The following KDM4C variants were observed in gnomAD, a reference collection of about 807,000 sequenced individuals.
The protein encoded by KDM4C is lysine-specific demethylase 4C.
Under a neutral mutation model 129.3 loss-of-function variants are expected in KDM4C, and 81 were observed. That is an observed-to-expected ratio of 0.63 (90% CI 0.52 to 0.75). The LOEUF is 0.75. Among genes scored for constraint, KDM4C ranks in the 30% least tolerant of loss-of-function variants. The probability of loss-of-function intolerance (pLI) is 0.00; values close to 1 mark genes in which losing one functional copy is unlikely to be tolerated. For synonymous variants in KDM4C, 573 were observed against 456.1 expected, an observed-to-expected ratio of 1.26 and a Z score of -3.26; for missense variants, 1,457 against 1,304.0, an observed-to-expected ratio of 1.12 and a Z score of -1.81.
At chr9:6,866,017 T>G (rs1841903323) in intron 5 of KDM4C, among the ~76,000 whole-genome samples, 1 of 152,070 alleles carries the variant, frequency 6.6e-6, no homozygotes, top group African/African-American at 2.4e-5. Flanking sequence ...CCTCCCAGAG[T>G]GCTGGGATTC....
intron 17 of KDM4C, among the ~76,000 whole-genome samples, chr9:7,051,813 C>G (rs1328583151): frequency 6.6e-6 from 1 of 152,158 alleles, no homozygotes; most frequent in Non-Finnish European, 1.5e-5. Flanking sequence ...ACAATTATCA[C>G]TTGTCTTGCC....
chr9:7,154,250 A>G (rs564030668), intron 19 of KDM4C, among the ~76,000 whole-genome samples: 12 of 152,362 alleles, frequency 7.9e-5, no homozygotes, highest in African/African-American at 2.9e-4. Flanking sequence ...GCCAGGGTCC[A>G]GTAATGAGCA....
chr9:6,904,290 A>T lies in KDM4C; in HGVS notation c.921+11058A>T, dbSNP rs375068769. On this transcript the variant is annotated intron_variant, in intron 8 of 21. Transcript: ENST00000381309. ...TATGTCTATCTATATATTTATACCT[A>T]TATCTATATATGTCTTTCATTTACA... 3.3e-5 allele frequency among the ~76,000 whole-genome samples: 5 copies of T among 152,234 alleles called. No individual in the cohort carries two copies. In the East Asian group the frequency reaches 9.6e-4, roughly 29 times the overall value.
At chr9:7,164,716 G>T (rs1844191013) in intron 19 of KDM4C, among the ~76,000 whole-genome samples, 1 of 152,106 alleles carries the variant, frequency 6.6e-6, no homozygotes, top group Admixed American at 6.6e-5. Flanking sequence ...GTGTCTTTTA[G>T]TCTCCCATAG....
intron 9 of KDM4C, among the ~76,000 whole-genome samples, chr9:6,981,630 A>G (rs781542057): frequency 1.3e-5 from 2 of 152,164 alleles, no homozygotes; most frequent in Non-Finnish European, 2.9e-5. Context: ...TAACATGCTT[A>G]TCCTTGTGAA....
chr9:7,103,580 GTTTT>G, intron 17 of KDM4C, 101 bp from the exon 18 acceptor site: 15 of 624,836 alleles, frequency 2.4e-5, no homozygotes, highest in Admixed American at 6.2e-5. Flanking sequence ...GTAATCAGTT[GTTTT>G]TTTTTTTTTT....
chr9:7,093,129 G>T (rs769874738), intron 17 of KDM4C, among the ~76,000 whole-genome samples: 4 of 152,104 alleles, frequency 2.6e-5, no homozygotes, highest in Admixed American at 6.5e-5. Flanking sequence ...TGTAGATGGG[G>T]TGGTGTTACT....
chr9:7,016,184 G>A (rs550016115), intron 15 of KDM4C, among the ~76,000 whole-genome samples: 2 of 151,230 alleles, frequency 1.3e-5, no homozygotes, highest in Admixed American at 6.6e-5. Context: ...CTAGAGTGCA[G>A]TGGCAAGATC....
intron 8 of KDM4C, chr9:6,978,999 T>G (rs1816278186): frequency 6.6e-6 from 1 of 152,160 alleles, no homozygotes; most frequent in East Asian, 1.9e-4. Context: ...CCTCACCAGC[T>G]TATCTGCCCT....
chr9:6,828,543 A>T (rs192426598), intron 4 of KDM4C, among the ~76,000 whole-genome samples: 12 of 151,680 alleles, frequency 7.9e-5, no homozygotes, highest in African/African-American at 2.4e-4. Context: ...GTTCACGTAG[A>T]GACCGTCTGA....
chr9:7,038,211 A>G (rs1291778387), intron 15 of KDM4C, among the ~76,000 whole-genome samples: 3 of 152,116 alleles, frequency 2.0e-5, no homozygotes, highest in African/African-American at 7.2e-5. Flanking sequence ...TAATTTCTTT[A>G]TGTGTGTGTC....
intron 1 of KDM4C, among the ~76,000 whole-genome samples, chr9:6,721,528 C>T (rs1230460276): frequency 6.6e-6 from 1 of 151,436 alleles, no homozygotes; most frequent in Non-Finnish European, 1.5e-5. Flanking sequence ...AAGCGACCTA[C>T]CCGTCTCGGC....
chr9:6,789,284 G>C (rs1826080105), intron 1 of KDM4C, among the ~76,000 whole-genome samples: 1 of 146,410 alleles, frequency 6.8e-6, no homozygotes, highest in South Asian at 2.2e-4. Context: ...GCAATGGCGT[G>C]ATCTCAGCTC....
At chr9:7,099,109 G>A (rs1021600126) in intron 17 of KDM4C, among the ~76,000 whole-genome samples, 1 of 152,098 alleles carries the variant, frequency 6.6e-6, no homozygotes, top group African/African-American at 2.4e-5. Context: ...ATTAGCTAAT[G>A]TATCATTATC....
At chr9:7,040,381 G>GTGTGTGTC (rs1554712824) in intron 15 of KDM4C, among the ~76,000 whole-genome samples, 142 of 140,680 alleles carry the variant, frequency 1.0e-3, no homozygotes, top group Admixed American at 1.1e-3. Flanking sequence ...GTGTGTGTGT[G>GTGTGTGTC]TGTGTGTGTG....
chr9:6,958,396 C>A (rs574105615), intron 8 of KDM4C, among the ~76,000 whole-genome samples: 1 of 152,084 alleles, frequency 6.6e-6, no homozygotes, highest in Admixed American at 6.6e-5. Flanking sequence ...ACCAGCCTGA[C>A]CAACATGGTG....
At chr9:6,945,647 A>G (rs994894574) in intron 8 of KDM4C, among the ~76,000 whole-genome samples, 3 of 152,200 alleles carry the variant, frequency 2.0e-5, no homozygotes, top group African/African-American at 7.2e-5. Flanking sequence ...ATTTGTGTGA[A>G]TTTAACTATA....
rs555289419 is a variant in KDM4C at position 7,004,971 on chromosome 9, G to A, written c.1787-6727G>A. 1.4e-4 allele frequency among the ~76,000 whole-genome samples: 21 copies of A among 152,208 alleles called. No individual in the cohort carries two copies. In the South Asian group the frequency reaches 3.1e-3, roughly 23 times the overall value. ...GCTTTGCCAGTTCTACTGAGTGTCC[G>A]GGCTACTTAGTCACAGCCATGGCCC... On this transcript the variant is annotated intron_variant, in intron 12 of 21. Coordinates refer to ENST00000381309, the MANE Select transcript of KDM4C (RefSeq NM_015061.6).
At chr9:7,045,263 T>C (rs1829227780) in intron 15 of KDM4C, among the ~76,000 whole-genome samples, 1 of 152,054 alleles carries the variant, frequency 6.6e-6, no homozygotes, top group African/African-American at 2.4e-5. Flanking sequence ...TTCTTCTCAC[T>C]GCTACTTTCA....
Sources: allele counts gnomAD v4.1 joint callset (sites outside exome capture counted in the v4.1 genomes callset), GRCh38; gene constraint gnomAD v4.1.1; transcripts MANE v1.5; gene names NCBI Gene and HGNC (gene_info 2026-07-23, HGNC 2026-07-21).